Variants in ADGRF1 observed in about 807,000 individuals in gnomAD.
ADGRF1 encodes the protein G protein-coupled receptor 110.
A neutral mutation model predicts 87.2 loss-of-function variants in ADGRF1; 85 were observed. The ratio of observed to expected loss-of-function variants is 0.97; its 90% CI spans 0.82 to 1.17. The LOEUF is 1.17. Among genes scored for constraint, ADGRF1 ranks in the 50% most tolerant of loss-of-function variants. ADGRF1 has a pLI of 0.00. For synonymous variants in ADGRF1, 430 were observed against 408.8 expected, an observed-to-expected ratio of 1.05 and a Z score of -0.63; for missense variants, 1,169 against 1,077.2, an observed-to-expected ratio of 1.09 and a Z score of -1.19.
Position 47,010,249 on chromosome 6 carries a change from C to T in ADGRF1, c.1186G>A (p.Glu396Lys), listed in dbSNP as rs34094841. The T allele has an allele frequency of 1.9e-6, 3 of 1,613,744 alleles. No individual in the cohort carries two copies. Among genetic ancestry groups the T allele is most frequent in the Non-Finnish European group, 2.5e-6 (3 of 1,179,940 alleles). The change falls in exon 11 of 15, where the codon GAA becomes AAA. Residue 396 changes from glutamate to lysine, a missense_variant. Glu to Lys is a moderately conservative substitution (Grantham distance 56). Coordinates refer to ENST00000371253, the MANE Select transcript of ADGRF1 (RefSeq NM_153840.4). ...AACCGTGAGCTGGCATACTTTTCTT[C>T]CCGCAGTAAGACTGTCCAGTTGGTT... ...SVTNWTVLLR[E>K]EKYASSRLLE...
chr6:47,000,777 T>TC (rs1210537107), intron 14 of ADGRF1, among the ~76,000 whole-genome samples: 1 of 152,220 alleles, frequency 6.6e-6, no homozygotes, highest in East Asian at 1.9e-4. Context: ...AAAATGAGTT[T>TC]CCTACATTAA....
chr6:47,030,360 T>C (rs1172051716), intron 1 of ADGRF1, among the ~76,000 whole-genome samples: 2 of 152,176 alleles, frequency 1.3e-5, no homozygotes, highest in African/African-American at 4.8e-5. Context: ...CAAAGACTCC[T>C]TGAAAATCTA....
intron 4 of ADGRF1, among the ~76,000 whole-genome samples, chr6:47,025,376 T>C (rs1780198329): frequency 6.6e-6 from 1 of 152,216 alleles, no homozygotes; most frequent in Admixed American, 6.5e-5. Flanking sequence ...GCTTTAAGAA[T>C]CACTGCTTTA....
chr6:47,036,251 A>AAAAC (rs1461130193), intron 1 of ADGRF1, among the ~76,000 whole-genome samples: 2 of 152,088 alleles, frequency 1.3e-5, no homozygotes, highest in Non-Finnish European at 2.9e-5. Context: ...AAAACAAAAC[A>AAAAC]AAACAAACAA....
At chr6:47,020,301 TGGCC>T (rs1292494777) in intron 7 of ADGRF1, 4 of 1,005,800 alleles carry the variant, frequency 4.0e-6, no homozygotes, top group Non-Finnish European at 4.0e-6. Flanking sequence ...GAGACCAGTG[TGGCC>T]AACATGGTGA....
intron 1 of ADGRF1, among the ~76,000 whole-genome samples, chr6:47,035,643 G>A (rs1237819245): frequency 2.0e-5 from 3 of 152,056 alleles, no homozygotes; most frequent in Admixed American, 2.0e-4. Context: ...TCAGCCCAAA[G>A]AATCAAGTAT....
At chr6:47,038,659 G>C (rs1008846625) in intron 1 of ADGRF1, among the ~76,000 whole-genome samples, 14 of 152,148 alleles carry the variant, frequency 9.2e-5, no homozygotes, top group Non-Finnish European at 1.8e-4. Context: ...TCATTCTACA[G>C]TGGTATAGAA....
intron 7 of ADGRF1, 39 bp downstream of exon 7, chr6:47,020,692 A>G: frequency 2.5e-6 from 4 of 1,601,558 alleles, no homozygotes; most frequent in Non-Finnish European, 3.4e-6. Flanking sequence ...CTGGTGCCCA[A>G]TTCTGGGGAT....
chr6:47,029,218 GT>G, intron 1 of ADGRF1, 114 bp from the exon 2 acceptor site: 1 of 616,484 alleles, frequency 1.6e-6, no homozygotes, highest in Non-Finnish European at 2.9e-6. Flanking sequence ...ACCCCTGGGT[GT>G]TTATGTTTCC....
chr6:47,002,323 C>T (rs914767358), intron 13 of ADGRF1, among the ~76,000 whole-genome samples: 8 of 151,552 alleles, frequency 5.3e-5, no homozygotes, highest in African/African-American at 1.9e-4. Context: ...TTATTATATT[C>T]AGTAGATAGA....
chr6:47,036,723 T>C (rs557603388), intron 1 of ADGRF1, among the ~76,000 whole-genome samples: 10 of 152,372 alleles, frequency 6.6e-5, no homozygotes, highest in African/African-American at 2.2e-4. Flanking sequence ...GAATAGTATT[T>C]TCATTATAAT....
At chr6:47,004,278 A>C (rs1345110920) in intron 13 of ADGRF1, among the ~76,000 whole-genome samples, 1 of 152,152 alleles carries the variant, frequency 6.6e-6, no homozygotes, top group Non-Finnish European at 1.5e-5. Flanking sequence ...CTGCTTTTTC[A>C]TTCAAACTCT....
At chr6:47,024,389 A>G in intron 4 of ADGRF1, 172 bp from the exon 5 acceptor site, 1 of 532,688 alleles carries the variant, frequency 1.9e-6, no homozygotes, top group East Asian at 3.1e-5. Context: ...ATCTCAGCTC[A>G]CTGCAACCTC....
At chr6:47,013,540 G>A (rs773252683) in intron 9 of ADGRF1, 2 of 985,448 alleles carry the variant, frequency 2.0e-6, no homozygotes, top group Non-Finnish European at 2.4e-6. Flanking sequence ...AACTGGTCTT[G>A]GGGTCCTTCT....
At chr6:47,035,174 C>A (rs900307721) in intron 1 of ADGRF1, among the ~76,000 whole-genome samples, 14 of 152,166 alleles carry the variant, frequency 9.2e-5, no homozygotes, top group African/African-American at 3.4e-4. Context: ...GAAGACCCAG[C>A]CGCTTGTGGT....
chr6:47,012,139 T>C lies in ADGRF1; in HGVS notation c.984A>G (p.Gln328=), dbSNP rs906876260. 12 of 1,613,988 alleles carry C rather than the reference T, an allele frequency of 7.4e-6. No individual in the cohort carries two copies. Among genetic ancestry groups the C allele is most frequent in the Non-Finnish European group, 1.0e-5 (12 of 1,179,974 alleles). ...TTTGCCGAATGATGACAGAAAGATT[T>C]TGCACGAAGGATGACACAGCTGCCT... ...ATEAAVSSFV[Q]NLSVIIRQNP... Residue 328 remains glutamine, a synonymous_variant, in exon 10 of 15, where the codon CAA becomes CAG. Transcript: ENST00000371253.
intron 1 of ADGRF1, among the ~76,000 whole-genome samples, chr6:47,032,743 G>A (rs12208623): frequency 2.1e-3 from 313 of 152,332 alleles, no homozygotes; most frequent in Non-Finnish European, 3.4e-3. Flanking sequence ...GTGGTGCCTA[G>A]TATTTCAACC....
At chr6:47,030,969 G>A (rs569156169) in intron 1 of ADGRF1, among the ~76,000 whole-genome samples, 1 of 152,184 alleles carries the variant, frequency 6.6e-6, no homozygotes, top group South Asian at 2.1e-4. Context: ...CACCATGTTG[G>A]TCAGGCTGGT....
chr6:47,022,499 G>A (rs1329014649), intron 5 of ADGRF1, among the ~76,000 whole-genome samples: 1 of 152,128 alleles, frequency 6.6e-6, no homozygotes, highest in African/African-American at 2.4e-5. Flanking sequence ...TCTCTGTGTG[G>A]ACAAATTCTA....
Sources: allele counts gnomAD v4.1 joint callset (sites outside exome capture counted in the v4.1 genomes callset), GRCh38; gene constraint gnomAD v4.1.1; transcripts MANE v1.5; gene names NCBI Gene and HGNC (gene_info 2026-07-23, HGNC 2026-07-21).